Variants in FAM20A observed in about 807,000 individuals in gnomAD.
FAM20A encodes the protein FAM20A golgi associated secretory pathway pseudokinase, also known as pseudokinase FAM20A.
A neutral mutation model predicts 52.0 loss-of-function variants in FAM20A; 42 were observed. That is an observed-to-expected ratio of 0.81 (90% CI 0.63 to 1.04). The LOEUF (loss-of-function observed/expected upper bound fraction) is 1.04, where lower values mean the gene tolerates loss of function less well. Among genes scored for constraint, FAM20A ranks in the 50% least tolerant of loss-of-function variants. FAM20A has a pLI of 0.00. For missense variants in FAM20A, 742 were observed against 712.7 expected, an observed-to-expected ratio of 1.04 and a Z score of -0.47; for synonymous variants, 304 against 298.9, an observed-to-expected ratio of 1.02 and a Z score of -0.18.
intron 1 of FAM20A, among the ~76,000 whole-genome samples, chr17:68,568,392 C>G (rs888782042): frequency 6.6e-6 from 1 of 151,606 alleles, no homozygotes; most frequent in South Asian, 2.1e-4. Flanking sequence ...GACATGAACC[C>G]GGGAGGTGGA....
intron 1 of FAM20A, among the ~76,000 whole-genome samples, chr17:68,561,183 T>C (rs1282285949): frequency 1.3e-5 from 2 of 152,242 alleles, no homozygotes; most frequent in African/African-American, 4.8e-5. Flanking sequence ...CTCCAACTTG[T>C]GTGAAATTCT....
chr17:68,547,753 C>T (rs2086635013), intron 4 of FAM20A, among the ~76,000 whole-genome samples: 1 of 152,190 alleles, frequency 6.6e-6, no homozygotes, highest in Non-Finnish European at 1.5e-5. Flanking sequence ...AAACTTGCTC[C>T]GTATCAGCAG....
intron 1 of FAM20A, among the ~76,000 whole-genome samples, chr17:68,562,617 C>CG (rs1440331811): frequency 2.6e-5 from 4 of 151,888 alleles, no homozygotes; most frequent in African/African-American, 9.7e-5. Context: ...TCCATCCCCC[C>CG]CCCTTTTTAT....
rs1439404905 is a variant in FAM20A at position 68,543,795 on chromosome 17, G to T, written c.720-74C>A. ...GCCTGAGAAGAGAGCTGATGAGCAT[G>T]ACCAGCGAGAAAGGAAAACGGGCTT... On this transcript the variant is annotated intron_variant, in intron 4 of 10. Coordinates refer to ENST00000592554, the MANE Select transcript of FAM20A (RefSeq NM_017565.4). 4 of 1,296,802 alleles carry T rather than the reference G, an allele frequency of 3.1e-6. No individual in the cohort carries two copies. In the South Asian group the frequency reaches 3.5e-5, roughly 12 times the overall value. 80.3% of individuals were successfully genotyped at this position (1,296,802 alleles called of 1,614,324 possible).
rs1268686525 is a variant in FAM20A at position 68,536,152 on chromosome 17, C to G, written c.*1325G>C. On this transcript the variant is annotated 3_prime_UTR_variant, in exon 11 of 11. Transcript: ENST00000592554. ...GGGTCAGAAGTGTTATTTGTCCAGTCGAGGCTATCTTTGCTCACACTGCAG... is the reference window on the plus strand; with the variant it reads ...GGGTCAGAAGTGTTATTTGTCCAGTGGAGGCTATCTTTGCTCACACTGCAG... The G allele has an allele frequency of 4.4e-6, 2 of 453,986 alleles. No homozygotes were observed. The highest frequency in any genetic ancestry group is 4.7e-5 in the Admixed American group (2 of 42,560). 28.1% of individuals were successfully genotyped at this position (453,986 alleles called of 1,614,324 possible).
chr17:68,574,070 A>C (rs976068578), intron 1 of FAM20A, among the ~76,000 whole-genome samples: 1 of 151,676 alleles, frequency 6.6e-6, no homozygotes, highest in African/African-American at 2.4e-5. Flanking sequence ...CTCTCTCTAG[A>C]GTTCTTTTTT....
intron 4 of FAM20A, chr17:68,551,136 C>T (rs567533213): frequency 6.5e-5 from 80 of 1,233,708 alleles, no homozygotes; most frequent in Non-Finnish European, 7.6e-5. Flanking sequence ...GCACTGGGGC[C>T]GAACTCTAGG....
At chr17:68,587,228 C>T (rs1483635808) in intron 1 of FAM20A, among the ~76,000 whole-genome samples, 7 of 152,108 alleles carry the variant, frequency 4.6e-5, no homozygotes, top group Admixed American at 3.3e-4. Context: ...TGTGACACTT[C>T]GGGCATTCAC....
At chr17:68,580,142 A>G (rs2087900006) in intron 1 of FAM20A, among the ~76,000 whole-genome samples, 1 of 152,242 alleles carries the variant, frequency 6.6e-6, no homozygotes, top group Non-Finnish European at 1.5e-5. Flanking sequence ...GGAAAGGAGG[A>G]ATAAAAGCCA....
intron 4 of FAM20A, among the ~76,000 whole-genome samples, chr17:68,545,581 T>C (rs770840291): frequency 1.1e-4 from 16 of 152,350 alleles, no homozygotes; most frequent in Non-Finnish European, 1.0e-4. Context: ...GGGGTGGTGG[T>C]TGCTGAAGGT....
In FAM20A at chr17:68,554,877, G is replaced by T. The variant is rs2087010380; in HGVS notation, c.590-50C>A. ...AGAACTTCCAGTCTTGTTCCTGGGA[G>T]AGCCTACAACATGGAGGTCCCTTGA... On this transcript the variant is annotated intron_variant, in intron 2 of 10. Coordinates refer to ENST00000592554, the MANE Select transcript of FAM20A (RefSeq NM_017565.4). 5 of 1,591,598 alleles carry T rather than the reference G, an allele frequency of 3.1e-6. No homozygotes were observed. The East Asian group carries it at 1.1e-4, about 36-fold the overall frequency.
intron 1 of FAM20A, among the ~76,000 whole-genome samples, chr17:68,575,554 A>T (rs1375856542): frequency 9.4e-6 from 1 of 106,832 alleles, no homozygotes; most frequent in African/African-American, 3.7e-5. Flanking sequence ...ATTATATAAT[A>T]TATATTTTAT....
chr17:68,560,676 G>A (rs999876623), intron 1 of FAM20A, among the ~76,000 whole-genome samples: 1 of 152,198 alleles, frequency 6.6e-6, no homozygotes, highest in Admixed American at 6.5e-5. Flanking sequence ...GTGTGAGAGT[G>A]TATCGGTATG....
chr17:68,536,714 C>T lies in FAM20A; in HGVS notation c.*763G>A, dbSNP rs572666450. 1.5e-5 allele frequency: 7 copies of T among 453,946 alleles called. No individual in the cohort carries two copies. Among genetic ancestry groups the T allele is most frequent in the Middle Eastern group, 6.8e-4 (1 of 1,466 alleles). 28.1% of individuals were successfully genotyped at this position (453,946 alleles called of 1,614,324 possible). A position where few individuals can be genotyped will look rare whatever the true frequency, so the allele number is the denominator to read the frequency against. On this transcript the variant is annotated 3_prime_UTR_variant, in exon 11 of 11. Coordinates refer to ENST00000592554, the MANE Select transcript of FAM20A (RefSeq NM_017565.4). ...CCTGCTAGGCCTGTTCCCATGCCAT[C>T]CTGACCTTGGAGGACTTTCCTTTTT... is the stretch of plus-strand genomic sequence containing the variant.
In FAM20A at chr17:68,551,896, C is replaced by T. The variant is rs770793067; in HGVS notation, c.696G>A (p.Gly232=). 1 of 1,587,938 alleles carries T rather than the reference C, an allele frequency of 6.3e-7. No individual in the cohort carries two copies. Among genetic ancestry groups the T allele is most frequent in the East Asian group, 2.3e-5 (1 of 43,868 alleles). Residue 232 remains glycine, a synonymous_variant, in exon 4 of 11, where the codon GGG becomes GGA. Transcript: ENST00000592554. ...LKLVLRFSDF[G]KAMFKPMRQQ... The stretch of plus-strand genomic sequence containing the variant: ...ACCTCATGGGTTTGAACATGGCCTT[C>T]CCGAAATCCGAGAACCTCAGCACCA...
intron 3 of FAM20A, among the ~76,000 whole-genome samples, chr17:68,552,333 A>T (rs902588167): frequency 6.6e-5 from 10 of 152,154 alleles, no homozygotes; most frequent in African/African-American, 2.2e-4. Context: ...ATGTTTTCCT[A>T]AGAAGAATGA....
At chr17:68,588,314 C>G (rs1422800995) in intron 1 of FAM20A, among the ~76,000 whole-genome samples, 2 of 152,200 alleles carry the variant, frequency 1.3e-5, no homozygotes, top group Non-Finnish European at 2.9e-5. Flanking sequence ...CAAGAGGCCT[C>G]TTGAGGCTGT....
chr17:68,597,309 T>C lies in FAM20A; in HGVS notation c.404+2954A>G, dbSNP rs547460698. Among the ~76,000 whole-genome samples the C allele has an allele frequency of 2.0e-5, 3 of 152,212 alleles. No individual in the cohort carries two copies. The South Asian group carries it at 6.2e-4, about 32-fold the overall frequency. On this transcript the variant is annotated intron_variant, in intron 1 of 10. Transcript: ENST00000592554. Reference sequence around the variant, plus strand: ...TTTGGCTTATTTTATTCTCTGTACTTCTCCTGGTGTGGTGGACAGTTTGCT... The same window carrying C: ...TTTGGCTTATTTTATTCTCTGTACTCCTCCTGGTGTGGTGGACAGTTTGCT...
In FAM20A at chr17:68,540,902, T is replaced by C. The variant is rs143268382; in HGVS notation, c.1166A>G (p.Asn389Ser). The C allele has an allele frequency of 2.2e-4, 351 of 1,605,034 alleles. No individual in the cohort carries two copies. The highest frequency in any genetic ancestry group is 1.9e-3 in the African/African-American group (146 of 74,926). The change falls in exon 8 of 11, where the codon AAC becomes AGC. Residue 389 changes from asparagine to serine, a missense_variant. Coordinates refer to ENST00000592554, the MANE Select transcript of FAM20A (RefSeq NM_017565.4). Reference sequence around the variant, plus strand: ...GATGACATTGAGGAGCCGCTGGCTGTTGTTGTACGGGTAGATCTGTTTCAC... The same window carrying C: ...GATGACATTGAGGAGCCGCTGGCTGCTGTTGTACGGGTAGATCTGTTTCAC... Reference protein sequence around the residue: ...DTVKQIYPYNNSQRLLNVIDM... With the variant: ...DTVKQIYPYNSSQRLLNVIDM...
Sources: allele counts gnomAD v4.1 joint callset (sites outside exome capture counted in the v4.1 genomes callset), GRCh38; gene constraint gnomAD v4.1.1; transcripts MANE v1.5; gene names NCBI Gene and HGNC (gene_info 2026-07-23, HGNC 2026-07-21).